DEFB131A: variants seen among roughly 807,000 people sequenced by gnomAD.
The protein encoded by DEFB131A is beta-defensin 131A.
Under a neutral mutation model 2.4 loss-of-function variants are expected in DEFB131A, and 5 were observed. The observed-to-expected ratio is 2.12, with a 90% CI of 1.11 to 4.47. The LOEUF (loss-of-function observed/expected upper bound fraction) is 4.47. Ranked by LOEUF, DEFB131A falls within the 30% of genes most tolerant of loss-of-function variation. The pLI, the probability that DEFB131A is intolerant of heterozygous loss-of-function variation, is 0.00. For synonymous variants in DEFB131A, 34 were observed against 25.7 expected, an observed-to-expected ratio of 1.32 and a Z score of -0.97; for missense variants, 120 against 79.9, an observed-to-expected ratio of 1.50 and a Z score of -1.91.
chr4:9,446,773 G>A (rs1405162041), intron 1 of DEFB131A, among the ~76,000 whole-genome samples: 19 of 151,884 alleles, frequency 1.3e-4, no homozygotes. Context: ...CATAGGTTTT[G>A]GTATGTTGTG....
intron 1 of DEFB131A, among the ~76,000 whole-genome samples, chr4:9,447,954 C>T (rs1367948842): frequency 1.3e-5 from 2 of 151,636 alleles, no homozygotes; most frequent in African/African-American, 2.4e-5. Context: ...TAAGTGTAGG[C>T]CAATTACAAA....
At chr4:9,448,959 C>A (rs1210540286) in intron 1 of DEFB131A, among the ~76,000 whole-genome samples, 3 of 151,962 alleles carry the variant, frequency 2.0e-5, no homozygotes, top group Admixed American at 2.0e-4. Flanking sequence ...TTCACTCTCC[C>A]AAAATTATTA....
intron 1 of DEFB131A, among the ~76,000 whole-genome samples, chr4:9,447,684 C>A (rs760496882): frequency 2.3e-4 from 35 of 151,310 alleles, no homozygotes; most frequent in Non-Finnish European, 3.8e-4. Context: ...AGGGCCATAC[C>A]CTGGGAGTCT....
intron 1 of DEFB131A, among the ~76,000 whole-genome samples, chr4:9,445,914 G>T (rs1717481660): frequency 6.6e-6 from 1 of 152,112 alleles, no homozygotes; most frequent in South Asian, 2.1e-4. Flanking sequence ...AACAGAATAA[G>T]AAATATGTGA....
rs768127622 is a variant in DEFB131A, at chr4:9,444,580, C to T, written c.47C>T (p.Thr16Ile). The change falls in exon 1 of 2, where the codon ACA becomes ATA. Residue 16 changes from threonine (T) to isoleucine (I), a missense_variant. By Grantham distance (89) the Thr-to-Ile change is moderately conservative. Transcript: ENST00000334879. ...FVFGVLSLMF[T>I]VPPARSFISN... is the part of the protein sequence containing the mutation. ...TTTGGAGTCCTTTCCTTGATGTTCA[C>T]AGTTCCTCCAGGTAAGACAGAAACT... The T allele has an allele frequency of 6.3e-7, 1 of 1,599,058 alleles. No individual in the cohort carries two copies. Among genetic ancestry groups the T allele is most frequent in the Non-Finnish European group, 8.5e-7 (1 of 1,174,566 alleles).
intron 1 of DEFB131A, among the ~76,000 whole-genome samples, chr4:9,448,914 C>G (rs1717576454): frequency 6.6e-6 from 1 of 152,040 alleles, no homozygotes; most frequent in African/African-American, 2.4e-5. Flanking sequence ...CATCTATTTC[C>G]AAATGACATA....
intron 1 of DEFB131A, among the ~76,000 whole-genome samples, chr4:9,448,916 A>T (rs1717576507): frequency 6.6e-6 from 1 of 152,104 alleles, no homozygotes; most frequent in East Asian, 1.9e-4. Context: ...TCTATTTCCA[A>T]ATGACATAAT....
chr4:9,444,913 A>G (rs1390393009), intron 1 of DEFB131A, among the ~76,000 whole-genome samples: 1 of 145,422 alleles, frequency 6.9e-6, no homozygotes, highest in Non-Finnish European at 1.5e-5. Context: ...CTCTCCAAAA[A>G]AAAAAAAAAA....
chr4:9,444,797 C>T (rs184431490), intron 1 of DEFB131A, among the ~76,000 whole-genome samples: 355 of 151,754 alleles, frequency 2.3e-3, no homozygotes, highest in African/African-American at 8.1e-3. Flanking sequence ...CACTTGAGGC[C>T]GGGCACAGTG....
At chr4:9,450,290 A>G in intron 1 of DEFB131A, 70 bp from the exon 2 acceptor site, 1 of 1,345,568 alleles carries the variant, frequency 7.4e-7, no homozygotes, top group Non-Finnish European at 9.6e-7. Context: ...TTTATTATAA[A>G]ACATTTCAGA....
chr4:9,450,340 T>C lies in DEFB131A; in HGVS notation c.59-20T>C, dbSNP rs780939668. On this transcript the variant is annotated intron_variant, in intron 1 of 1. Transcript: ENST00000334879. Reference sequence around the variant, plus strand: ...AAGTAAGTAATATTGTGTCATATAATTTGTCTTCTCTTTTTAAAGCCAGAA... The same window carrying C: ...AAGTAAGTAATATTGTGTCATATAACTTGTCTTCTCTTTTTAAAGCCAGAA... The C allele has an allele frequency of 1.1e-5, 17 of 1,528,050 alleles. No individual in the cohort carries two copies. The highest frequency in any genetic ancestry group is 1.4e-5 in the Non-Finnish European group (16 of 1,135,296). The allele number at this position is 1,528,050 out of a possible 1,614,324, so 94.7% of individuals were successfully genotyped here.
chr4:9,447,417 C>T (rs545689777), intron 1 of DEFB131A, among the ~76,000 whole-genome samples: 46 of 152,116 alleles, frequency 3.0e-4, no homozygotes, highest in Non-Finnish European at 3.8e-4. Flanking sequence ...ATGTATTAGG[C>T]CATTCTTGCA....
At chr4:9,450,031 C>T (rs1251533515) in intron 1 of DEFB131A, among the ~76,000 whole-genome samples, 2 of 152,120 alleles carry the variant, frequency 1.3e-5, no homozygotes, top group African/African-American at 2.4e-5. Flanking sequence ...GAATTTAACT[C>T]CAGAAGTTAA....
chr4:9,448,621 G>T (rs1253254915), intron 1 of DEFB131A, among the ~76,000 whole-genome samples: 1 of 152,148 alleles, frequency 6.6e-6, no homozygotes, highest in East Asian at 1.9e-4. Context: ...ACCGCACCCA[G>T]CCTACCCTTT....
At chr4:9,445,500 A>G (rs1717471722) in intron 1 of DEFB131A, among the ~76,000 whole-genome samples, 1 of 151,962 alleles carries the variant, frequency 6.6e-6, no homozygotes, top group Admixed American at 6.6e-5. Flanking sequence ...ATAAAAACAT[A>G]TTAAACTGCG....
At chr4:9,446,940 G>T (rs1365189566) in intron 1 of DEFB131A, among the ~76,000 whole-genome samples, 3 of 151,590 alleles carry the variant, frequency 2.0e-5, no homozygotes, top group Admixed American at 6.6e-5. Context: ...TTCTATTTTT[G>T]TCTAGAATAT....
chr4:9,445,723 G>A (rs1357965498), intron 1 of DEFB131A, among the ~76,000 whole-genome samples: 1 of 151,814 alleles, frequency 6.6e-6, no homozygotes, highest in African/African-American at 2.4e-5. Context: ...AAAATTCATT[G>A]CCTTAAAGTG....
In DEFB131A at chr4:9,447,510, T is replaced by G. The variant is rs148744816; in HGVS notation, c.59-2850T>G. Among the ~76,000 whole-genome samples the G allele has an allele frequency of 6.6e-5, 10 of 152,208 alleles. No individual in the cohort carries two copies. The East Asian group carries it at 1.7e-3, about 26-fold the overall frequency. On this transcript the variant is annotated intron_variant, in intron 1 of 1. Transcript: ENST00000334879. ...TTCATTTTCTCACAGTTCTGGAAGT[T>G]ATAATTCTAAGATCAAGATGTCAGC...
At chr4:9,447,931 A>G (rs1475849541) in intron 1 of DEFB131A, among the ~76,000 whole-genome samples, 1 of 152,098 alleles carries the variant, frequency 6.6e-6, no homozygotes, top group East Asian at 1.9e-4. Flanking sequence ...ATTAAAAAGA[A>G]CAGAATATTT....
Sources: gnomAD v4.1 joint callset for allele counts (sites outside exome capture counted in the v4.1 genomes callset) on GRCh38, gnomAD v4.1.1 for gene constraint, MANE v1.5 for transcripts, NCBI Gene and HGNC (gene_info 2026-07-23, HGNC 2026-07-21) for gene names.